Variants in SLC35F4 observed in about 807,000 individuals in gnomAD.
SLC35F4 encodes solute carrier family 35 member F4.
Under a neutral mutation model 44.2 loss-of-function variants are expected in SLC35F4, and 24 were observed. The observed-to-expected ratio is 0.54, with a 90% CI of 0.39 to 0.76. The LOEUF is 0.76. Ranked by LOEUF, SLC35F4 falls within the 30% of genes least tolerant of loss-of-function variation. SLC35F4 has a pLI of 0.00. For missense variants in SLC35F4, 562 were observed against 586.1 expected (o/e 0.96, Z 0.42); for synonymous variants, 238 against 223.6 (o/e 1.06, Z -0.57).
chr14:57,582,248 T>A (rs997294662), intron 3 of SLC35F4, among the ~76,000 whole-genome samples: 10 of 152,132 alleles, frequency 6.6e-5, no homozygotes, highest in Admixed American at 2.6e-4. Flanking sequence ...CAGGCTGGAA[T>A]GCGGTAGCAT....
rs989395370 is a variant in SLC35F4 at position 57,630,927 on chromosome 14, A to G, written c.104-36803T>C. The G allele has an allele frequency of 5.2e-6, 4 of 772,554 alleles. No individual in the cohort carries two copies. The African/African-American group carries it at 7.6e-5, about 15-fold the overall frequency. The allele number at this position is 772,554 out of a possible 1,614,324, so 47.9% of individuals were successfully genotyped here. On this transcript the variant is annotated intron_variant, in intron 1 of 7. Transcript: ENST00000556826. ...TTGTGGTGTCTCTGTATATTTTTGTAAAGATTCTCATTTTTATGCTTGAAG... is the reference window on the plus strand; with the variant it reads ...TTGTGGTGTCTCTGTATATTTTTGTGAAGATTCTCATTTTTATGCTTGAAG...
chr14:57,908,812 C>T (rs1370156860), intron 1 of SLC35F4, among the ~76,000 whole-genome samples: 1 of 152,174 alleles, frequency 6.6e-6, no homozygotes, highest in Admixed American at 6.5e-5. Context: ...TCAATTTTGG[C>T]TTTTGTTGCC....
chr14:57,812,391 C>A (rs1882076058), intron 1 of SLC35F4, among the ~76,000 whole-genome samples: 1 of 152,158 alleles, frequency 6.6e-6, no homozygotes, highest in Non-Finnish European at 1.5e-5. Context: ...ACCCTCCTGG[C>A]CCACCAGCAC....
rs1261119665 is a variant in SLC35F4, at chr14:57,963,738, T to C, written n.282+18175A>G. 1.6e-4 allele frequency among the ~76,000 whole-genome samples: 20 copies of C among 124,686 alleles called. No homozygotes were observed. The East Asian group carries it at 3.9e-3, about 24-fold the overall frequency. 81.8% of individuals were successfully genotyped at this position (124,686 alleles called of 152,430 possible). ...TTTTTTTTTTTTTTTTTTTTTTTTT[T>C]TCAGAGACAAGTCTCATTTTGTGGC... On this transcript the variant is annotated intron_variant and non_coding_transcript_variant, in intron 1 of 1. Coordinates refer to the SLC35F4 transcript ENST00000556568.
chr14:57,659,678 C>T (rs2074075430), intron 1 of SLC35F4, among the ~76,000 whole-genome samples: 1 of 152,088 alleles, frequency 6.6e-6, no homozygotes, highest in South Asian at 2.1e-4. Flanking sequence ...TAATTACTAC[C>T]TTAATTCTTC....
At chr14:57,976,553 G>T (rs1881224452), downstream of SLC35F4, among the ~76,000 whole-genome samples, 1 of 152,180 alleles carries the variant, frequency 6.6e-6, no homozygotes, top group Non-Finnish European at 1.5e-5. Context: ...AGACATCATT[G>T]AAGACTTACA....
intron 1 of SLC35F4, among the ~76,000 whole-genome samples, chr14:57,703,266 C>T (rs895104161): frequency 3.3e-5 from 5 of 152,098 alleles, no homozygotes; most frequent in Non-Finnish European, 7.4e-5. Flanking sequence ...ATGTCTGTTC[C>T]CTCCATCCTT....
intron 1 of SLC35F4, among the ~76,000 whole-genome samples, chr14:57,937,791 G>A (rs1304416886): frequency 1.3e-5 from 2 of 152,126 alleles, no homozygotes; most frequent in Non-Finnish European, 2.9e-5. Flanking sequence ...GAACGTCTGG[G>A]CAGAAAGTGA....
intron 1 of SLC35F4, among the ~76,000 whole-genome samples, chr14:57,747,923 C>T (rs2076797392): frequency 6.6e-6 from 1 of 152,164 alleles, no homozygotes; most frequent in Non-Finnish European, 1.5e-5. Flanking sequence ...GCCTAGGCTT[C>T]AAGAACAAAA....
chr14:57,742,253 G>T (rs1223836607), intron 1 of SLC35F4, among the ~76,000 whole-genome samples: 4 of 152,114 alleles, frequency 2.6e-5, no homozygotes, highest in African/African-American at 9.7e-5. Context: ...TGGGCTAAAT[G>T]CTCCAATTAA....
At chr14:57,740,620 T>C (rs184239187) in intron 1 of SLC35F4, among the ~76,000 whole-genome samples, 1 of 152,300 alleles carries the variant, frequency 6.6e-6, no homozygotes. Flanking sequence ...GAATATATTG[T>C]ACATTCTAAA....
intron 1 of SLC35F4, among the ~76,000 whole-genome samples, chr14:57,669,382 T>TAGTTGAATAG (rs1367642955): frequency 6.6e-6 from 1 of 152,054 alleles, no homozygotes; most frequent in Non-Finnish European, 1.5e-5. Context: ...ATAGGAGTGG[T>TAGTTGAATAG]GAGAGAGGGC....
intron 1 of SLC35F4, among the ~76,000 whole-genome samples, chr14:57,607,470 A>G (rs2071229306): frequency 6.6e-6 from 1 of 152,212 alleles, no homozygotes; most frequent in Admixed American, 6.5e-5. Flanking sequence ...GGGTATCCAC[A>G]ACTGCCAGGT....
At chr14:57,829,960 G>T (rs1884178086) in intron 1 of SLC35F4, among the ~76,000 whole-genome samples, 1 of 152,156 alleles carries the variant, frequency 6.6e-6, no homozygotes, top group Non-Finnish European at 1.5e-5. Context: ...GAATAATCTT[G>T]CAGTTAAATG....
At chr14:57,718,333 T>C (rs1001393540) in intron 1 of SLC35F4, among the ~76,000 whole-genome samples, 10 of 114,110 alleles carry the variant, frequency 8.8e-5, no homozygotes, top group African/African-American at 2.8e-4. Context: ...TTCAATATAC[T>C]GATTTCCTTT....
At chr14:57,737,163 G>A (rs981305544) in intron 1 of SLC35F4, among the ~76,000 whole-genome samples, 3 of 151,616 alleles carry the variant, frequency 2.0e-5, no homozygotes, top group Non-Finnish European at 4.4e-5. Flanking sequence ...ATGAAAGGGA[G>A]GAGATCTTAT....
rs1264722984 is a variant in SLC35F4 at position 57,587,884 on chromosome 14, A to AAAG, written c.587+1331_587+1332insCTT. 1.1e-4 allele frequency among the ~76,000 whole-genome samples: 17 copies of AAAG among 151,838 alleles called. 1 individual carries two copies. The highest frequency in any genetic ancestry group is 4.6e-4 in the Admixed American group (7 of 15,250). ...CATGCACCTTCCAAAAAAAAAAAAA[A>AAAG]AAAAGAAAATGGTAGTTGAGGCCAG... On this transcript the variant is annotated intron_variant, in intron 3 of 7. Coordinates refer to ENST00000556826, the MANE Select transcript of SLC35F4 (RefSeq NM_001306087.2).
chr14:57,682,278 A>T (rs2074930343), intron 1 of SLC35F4, among the ~76,000 whole-genome samples: 1 of 152,210 alleles, frequency 6.6e-6, no homozygotes, highest in African/African-American at 2.4e-5. Flanking sequence ...GGATAAAGAA[A>T]ATGTGGCACA....
intron 1 of SLC35F4, among the ~76,000 whole-genome samples, chr14:57,937,128 C>T (rs182550595): frequency 1.9e-4 from 29 of 149,378 alleles, no homozygotes; most frequent in African/African-American, 5.4e-4. Flanking sequence ...AGTGCAATGG[C>T]GCTATCTCGG....
Sources: allele counts gnomAD v4.1 joint callset (sites outside exome capture counted in the v4.1 genomes callset), GRCh38; gene constraint gnomAD v4.1.1; transcripts MANE v1.5; gene names NCBI Gene and HGNC (gene_info 2026-07-23, HGNC 2026-07-21).